IGF1R: variants seen among roughly 807,000 people sequenced by gnomAD.
IGF1R encodes the protein insulin like growth factor 1 receptor.
Under a neutral mutation model 144.6 loss-of-function variants are expected in IGF1R, and 44 were observed. The ratio of observed to expected loss-of-function variants is 0.30; its 90% CI spans 0.24 to 0.39. IGF1R has a LOEUF of 0.39. IGF1R is among the 10% of genes least tolerant of loss of function. The pLI is 1.00. For missense variants in IGF1R, 1,355 were observed against 1,833.7 expected (o/e 0.74, Z 4.77); for synonymous variants, 795 against 722.8 (o/e 1.10, Z -1.60).
At chr15:98,665,661 T>G (rs1338877024) in intron 1 of IGF1R, among the ~76,000 whole-genome samples, 1 of 152,210 alleles carries the variant, frequency 6.6e-6, no homozygotes, top group East Asian at 1.9e-4. Context: ...AAATTGAATG[T>G]GGAGAACCCT....
chr15:98,874,140 A>G (rs774705625), intron 2 of IGF1R, among the ~76,000 whole-genome samples: 2 of 152,134 alleles, frequency 1.3e-5, no homozygotes. Flanking sequence ...CAGGTCCAAA[A>G]TGTATCTTTG....
At chr15:98,902,244 C>CA (rs1480129935) in intron 5 of IGF1R, among the ~76,000 whole-genome samples, 1 of 152,062 alleles carries the variant, frequency 6.6e-6, no homozygotes, top group Non-Finnish European at 1.5e-5. Context: ...CTAGGCACTT[C>CA]AGCAGGCAGC....
chr15:98,712,871 A>G (rs539580906), intron 2 of IGF1R, among the ~76,000 whole-genome samples: 8 of 149,484 alleles, frequency 5.4e-5, no homozygotes, highest in Non-Finnish European at 7.4e-5. Context: ...TGGCCTCCCA[A>G]TGTGCTGGGA....
At chr15:98,946,383 T>G (rs1192861584) in intron 19 of IGF1R, among the ~76,000 whole-genome samples, 1 of 152,116 alleles carries the variant, frequency 6.6e-6, no homozygotes, top group Non-Finnish European at 1.5e-5. Context: ...CTGTTAAGGT[T>G]TCTGAACCAG....
intron 18 of IGF1R, among the ~76,000 whole-genome samples, chr15:98,939,968 C>T (rs528661861): frequency 4.3e-4 from 66 of 152,340 alleles, no homozygotes; most frequent in African/African-American, 1.5e-3. Context: ...CTTAGCTCAC[C>T]AGCCTACTGG....
chr15:98,952,112 TA>T (rs1215993596), intron 20 of IGF1R, among the ~76,000 whole-genome samples: 1 of 152,012 alleles, frequency 6.6e-6, no homozygotes. Context: ...TGCCCTAGAG[TA>T]AAAGATCCAG....
chr15:98,755,458 T>C (rs2055125377), intron 2 of IGF1R, among the ~76,000 whole-genome samples: 1 of 152,072 alleles, frequency 6.6e-6, no homozygotes, highest in South Asian at 2.1e-4. Flanking sequence ...AGTGTATTGC[T>C]GGCTGGGCAT....
At chr15:98,780,090 ATT>A (rs575981766) in intron 2 of IGF1R, among the ~76,000 whole-genome samples, 1 of 146,240 alleles carries the variant, frequency 6.8e-6, no homozygotes, top group African/African-American at 2.5e-5. Flanking sequence ...CCAGGTGGCT[ATT>A]TTTTTTTTTT....
At position 98,908,667 on chromosome 15, in the gene IGF1R, C is replaced by T. The variant is rs1471479608; in HGVS notation, c.1248-18C>T. The T allele has an allele frequency of 5.6e-6, 9 of 1,608,780 alleles. No homozygotes were observed. Among genetic ancestry groups the T allele is most frequent in the African/African-American group, 2.7e-5 (2 of 74,842 alleles). ...TGGCCAAGGGCAGGTGCGCTAACAT[C>T]GATTTCTGTGCTTCTAGGAATTACT... On this transcript the variant is annotated intron_variant, in intron 5 of 20. Coordinates refer to ENST00000650285, the MANE Select transcript of IGF1R (RefSeq NM_000875.5).
chr15:98,955,923 A>G (rs1019786644), intron 20 of IGF1R, among the ~76,000 whole-genome samples: 2 of 152,216 alleles, frequency 1.3e-5, no homozygotes, highest in Non-Finnish European at 2.9e-5. Context: ...TAAAGAGGAT[A>G]ACTTCCTGGT....
chr15:98,913,742 T>C (rs1567195349), intron 8 of IGF1R, among the ~76,000 whole-genome samples: 1 of 152,230 alleles, frequency 6.6e-6, no homozygotes, highest in African/African-American at 2.4e-5. Flanking sequence ...GCAGATGTAG[T>C]ATGTTGTGGA....
chr15:98,805,213 A>T (rs955105926), intron 2 of IGF1R, among the ~76,000 whole-genome samples: 9 of 152,166 alleles, frequency 5.9e-5, no homozygotes, highest in Non-Finnish European at 1.3e-4. Flanking sequence ...TAATTTGAAG[A>T]TACTTCCATT....
intron 2 of IGF1R, among the ~76,000 whole-genome samples, chr15:98,885,154 C>G (rs2013576665): frequency 6.6e-6 from 1 of 152,248 alleles, no homozygotes; most frequent in African/African-American, 2.4e-5. Flanking sequence ...CTCATATTCT[C>G]ACTGCTTGTC....
At chr15:98,705,632 G>C (rs1421601273) in intron 1 of IGF1R, among the ~76,000 whole-genome samples, 1 of 152,070 alleles carries the variant, frequency 6.6e-6, no homozygotes, top group East Asian at 1.9e-4. Context: ...CTCAGCCCTT[G>C]GGTCCCTCCA....
chr15:98,713,556 A>G (rs571619433), intron 2 of IGF1R, among the ~76,000 whole-genome samples: 42 of 152,162 alleles, frequency 2.8e-4, no homozygotes, highest in Non-Finnish European at 4.4e-4. Flanking sequence ...AAGTATGGAA[A>G]TCATCTGAAA....
intron 18 of IGF1R, among the ~76,000 whole-genome samples, chr15:98,941,686 A>C (rs1322794295): frequency 6.6e-6 from 1 of 152,224 alleles, no homozygotes; most frequent in Non-Finnish European, 1.5e-5. Context: ...CAAATATGAC[A>C]AGTAATTTTA....
At chr15:98,782,646 A>T (rs1220337622) in intron 2 of IGF1R, among the ~76,000 whole-genome samples, 1 of 152,170 alleles carries the variant, frequency 6.6e-6, no homozygotes, top group African/African-American at 2.4e-5. Context: ...TGATTTCTTT[A>T]ATCACTCCAA....
intron 2 of IGF1R, chr15:98,890,287 G>C (rs1025771862): frequency 1.3e-5 from 2 of 152,164 alleles, no homozygotes; most frequent in Non-Finnish European, 2.9e-5. Context: ...CAAAATACAG[G>C]TCATAAAGAC....
rs2054338559 is a variant in IGF1R at position 98,725,549 on chromosome 15, GC to G, written c.640+17444del. Among the ~76,000 whole-genome samples, 7 of 152,248 alleles carry G rather than the reference GC, an allele frequency of 4.6e-5. No homozygotes were observed. In the South Asian group the frequency reaches 1.5e-3, roughly 32 times the overall value. On this transcript the variant is annotated intron_variant, in intron 2 of 20. Transcript: ENST00000650285. Reference sequence around the variant, plus strand: ...CAGCCTGTTGACCCAACCCATGCATGCCGGTCTTTGGGACTCCTAGATGTGG... The same window carrying G: ...CAGCCTGTTGACCCAACCCATGCATGCGGTCTTTGGGACTCCTAGATGTGG...
Sources: allele counts gnomAD v4.1 joint callset (sites outside exome capture counted in the v4.1 genomes callset), GRCh38; gene constraint gnomAD v4.1.1; transcripts MANE v1.5; gene names NCBI Gene and HGNC (gene_info 2026-07-23, HGNC 2026-07-21).